Variants in GPC5 observed in about 807,000 individuals in gnomAD.
GPC5 encodes glypican 5, also known as glypican-5.
GPC5 carries 47 observed loss-of-function variants against 53.9 expected under a neutral mutation model. The observed-to-expected ratio is 0.87, with a 90% confidence interval of 0.69 to 1.11. GPC5 has a LOEUF of 1.11. Ranked by LOEUF, GPC5 falls within the 50% of genes most tolerant of loss-of-function variation. The pLI, the probability that GPC5 is intolerant of heterozygous loss-of-function variation, is 0.00. For synonymous variants in GPC5, 286 were observed against 263.3 expected, an observed-to-expected ratio of 1.09 and a Z score of -0.84; for missense variants, 748 against 713.1, an observed-to-expected ratio of 1.05 and a Z score of -0.56.
intron 7 of GPC5, among the ~76,000 whole-genome samples, chr13:92,387,171 C>T (rs1017635436): frequency 2.6e-5 from 4 of 152,034 alleles, no homozygotes; most frequent in African/African-American, 9.7e-5. Context: ...GCACTTGTAC[C>T]TCAAGTGCTC....
chr13:91,661,987 C>T (rs550865163), intron 2 of GPC5, among the ~76,000 whole-genome samples: 21 of 152,266 alleles, frequency 1.4e-4, no homozygotes, highest in African/African-American at 4.8e-4. Flanking sequence ...TGAGCACAGT[C>T]TAGACATGTC....
intron 7 of GPC5, among the ~76,000 whole-genome samples, chr13:92,714,266 AT>A (rs1379843070): frequency 6.6e-6 from 1 of 152,186 alleles, no homozygotes; most frequent in African/African-American, 2.4e-5. Flanking sequence ...CTTAATGTAT[AT>A]TCCTGCATTA....
chr13:92,206,701 A>G (rs996216534), intron 7 of GPC5, among the ~76,000 whole-genome samples: 1 of 152,168 alleles, frequency 6.6e-6, no homozygotes, highest in African/African-American at 2.4e-5. Context: ...TTATAATCTT[A>G]CCAACAAGGC....
At chr13:92,150,954 C>CAT (rs2041903169) in intron 7 of GPC5, among the ~76,000 whole-genome samples, 1 of 151,382 alleles carries the variant, frequency 6.6e-6, no homozygotes, top group Admixed American at 6.6e-5. Flanking sequence ...TAGCCAAAGT[C>CAT]ATATAGCTAT....
rs185815378 is a variant in GPC5, at chr13:92,499,858, A to G, written c.1561+354869A>G. On this transcript the variant is annotated intron_variant, in intron 7 of 7. Coordinates refer to ENST00000377067, the MANE Select transcript of GPC5 (RefSeq NM_004466.6). ...AAAAATGGGACCTCAGCTTTGACTC[A>G]ATTTTTACCTACATGCAACTATGAA... 2.0e-3 allele frequency among the ~76,000 whole-genome samples: 307 copies of G among 152,278 alleles called. 1 individual carries two copies. Among genetic ancestry groups the G allele is most frequent in the Non-Finnish European group, 3.5e-3 (240 of 68,014 alleles).
chr13:91,403,303 T>G (rs1332364195), intron 1 of GPC5, among the ~76,000 whole-genome samples: 1 of 152,328 alleles, frequency 6.6e-6, no homozygotes, highest in Non-Finnish European at 1.5e-5. Flanking sequence ...CAAGGGAGAT[T>G]GCACACCAAA....
intron 6 of GPC5, 80 bp downstream of exon 6, chr13:91,908,137 G>A: frequency 8.8e-7 from 1 of 1,138,032 alleles, no homozygotes; most frequent in South Asian, 1.8e-5. Flanking sequence ...TGATAAATTT[G>A]TTAATCCTGT....
At chr13:92,644,487 A>G (rs1885701061) in intron 7 of GPC5, among the ~76,000 whole-genome samples, 1 of 152,180 alleles carries the variant, frequency 6.6e-6, no homozygotes, top group African/African-American at 2.4e-5. Flanking sequence ...CCTAAGACAT[A>G]ATGCCATGTG....
intron 6 of GPC5, among the ~76,000 whole-genome samples, chr13:92,097,842 A>G (rs1057371210): frequency 6.6e-6 from 1 of 152,222 alleles, no homozygotes; most frequent in Non-Finnish European, 1.5e-5. Context: ...TCTGGAAGGT[A>G]GAGCATTGAG....
intron 2 of GPC5, among the ~76,000 whole-genome samples, chr13:91,588,946 C>G (rs2032697947): frequency 6.6e-6 from 1 of 152,092 alleles, no homozygotes; most frequent in African/African-American, 2.4e-5. Flanking sequence ...CCAACTTTCC[C>G]TTTAGTTAAT....
intron 3 of GPC5, among the ~76,000 whole-genome samples, chr13:91,721,373 G>A (rs993702426): frequency 2.6e-5 from 4 of 152,072 alleles, no homozygotes; most frequent in Non-Finnish European, 4.4e-5. Context: ...GACCTCATGC[G>A]ATCTGCCTGC....
intron 2 of GPC5, among the ~76,000 whole-genome samples, chr13:91,492,668 A>G (rs1448056196): frequency 6.6e-6 from 1 of 152,178 alleles, no homozygotes; most frequent in Non-Finnish European, 1.5e-5. Context: ...TGCCAGAAAT[A>G]CCCTCAGAGA....
In GPC5 at chr13:92,089,746, A is replaced by T. The variant is rs557241609; in HGVS notation, c.1402-55084A>T. Among the ~76,000 whole-genome samples the T allele has an allele frequency of 2.0e-5, 3 of 152,318 alleles. No homozygotes were observed. The South Asian group carries it at 6.2e-4, about 32-fold the overall frequency. Reference sequence around the variant, plus strand: ...ACTTTAACTATTTAAGATTAGTTACAATGAAAAGAATATTGCCTTAGAGAT... The same window carrying T: ...ACTTTAACTATTTAAGATTAGTTACTATGAAAAGAATATTGCCTTAGAGAT... On this transcript the variant is annotated intron_variant, in intron 6 of 7. Transcript: ENST00000377067.
At chr13:92,633,181 C>A (rs1322597230) in intron 7 of GPC5, among the ~76,000 whole-genome samples, 12 of 152,178 alleles carry the variant, frequency 7.9e-5, no homozygotes, top group African/African-American at 2.9e-4. Flanking sequence ...GCGTGAGCCA[C>A]CACGCCCAGC....
At chr13:92,794,378 G>A (rs1193333435) in intron 7 of GPC5, among the ~76,000 whole-genome samples, 53 of 152,090 alleles carry the variant, frequency 3.5e-4, no homozygotes, top group South Asian at 2.1e-4. Context: ...TTGATGGGAC[G>A]CATCTCAAAA....
At chr13:91,814,013 A>G (rs1281303336) in intron 5 of GPC5, among the ~76,000 whole-genome samples, 1 of 138,840 alleles carries the variant, frequency 7.2e-6, no homozygotes, top group East Asian at 2.1e-4. Context: ...GCTCACTGCA[A>G]CCTCTGCCTT....
intron 2 of GPC5, among the ~76,000 whole-genome samples, chr13:91,520,650 A>G (rs1885753305): frequency 6.6e-6 from 1 of 151,930 alleles, no homozygotes; most frequent in Admixed American, 6.6e-5. Context: ...ATTTCCATAT[A>G]TATATATGTG....
Position 92,075,569 on chromosome 13 carries a change from T to C in GPC5, c.1402-69261T>C, listed in dbSNP as rs7329341. On this transcript the variant is annotated intron_variant, in intron 6 of 7. Coordinates refer to ENST00000377067, the MANE Select transcript of GPC5 (RefSeq NM_004466.6). ...TCTCAAGATAAATTCTGAATAAAAA[T>C]TTTTCAGTTAAGTATTGCAAATATT... Among the ~76,000 whole-genome samples, 1,516 of 152,280 alleles carry C rather than the reference T, an allele frequency of 1.0e-2. 27 individuals carry two copies. Among genetic ancestry groups the C allele is most frequent in the African/African-American group, 0.035 (1,457 of 41,544 alleles).
chr13:91,874,008 C>T (rs577176874), intron 5 of GPC5, among the ~76,000 whole-genome samples: 1 of 152,262 alleles, frequency 6.6e-6, no homozygotes, highest in Admixed American at 6.5e-5. Flanking sequence ...TGTCTCTGGG[C>T]CTCAGTTTCC....
Sources: gnomAD v4.1 joint callset for allele counts (sites outside exome capture counted in the v4.1 genomes callset) on GRCh38, gnomAD v4.1.1 for gene constraint, MANE v1.5 for transcripts, NCBI Gene and HGNC (gene_info 2026-07-23, HGNC 2026-07-21) for gene names.